Variants in TRPM6 observed in about 807,000 individuals in gnomAD.
TRPM6 encodes channel kinase 2.
In TRPM6, 111 loss-of-function variants were observed where a neutral mutation model predicts 247.6. The observed-to-expected ratio is 0.45, with a 90% CI of 0.38 to 0.52. The LOEUF is 0.52. Ranked by LOEUF, TRPM6 falls within the 20% of genes least tolerant of loss-of-function variation. The pLI, the probability that TRPM6 is intolerant of heterozygous loss-of-function variation, is 0.00. For missense variants in TRPM6, 2,126 were observed against 2,421.5 expected (o/e 0.88, Z 2.56); for synonymous variants, 892 against 853.8 (o/e 1.04, Z -0.78).
In TRPM6 at chr9:74,724,763, T is replaced by A. The variant is rs1195657840; in HGVS notation, c.5936-17A>T. ...TTTTTAAATCTGCAAGGAGGACAAGTAAAAAGGTTATAGTGGAACCCCAAG... is the reference window on the plus strand; with the variant it reads ...TTTTTAAATCTGCAAGGAGGACAAGAAAAAAGGTTATAGTGGAACCCCAAG... On this transcript the variant is annotated splice_polypyrimidine_tract_variant and intron_variant, in intron 38 of 38. Coordinates refer to ENST00000360774, the MANE Select transcript of TRPM6 (RefSeq NM_017662.5). The A allele has an allele frequency of 1.2e-6, 2 of 1,613,944 alleles. No individual in the cohort carries two copies. Among genetic ancestry groups the A allele is most frequent in the Non-Finnish European group, 8.5e-7 (1 of 1,179,976 alleles).
chr9:74,739,513 T>C (rs1825794384), intron 34 of TRPM6, 64 bp from the exon 35 acceptor site: 3 of 1,547,548 alleles, frequency 1.9e-6, no homozygotes, highest in South Asian at 2.2e-5. Context: ...ATCATGAAAT[T>C]ACTATAGGCT....
intron 1 of TRPM6, chr9:74,887,397 A>G: frequency 7.4e-7 from 1 of 1,352,320 alleles, no homozygotes; most frequent in African/African-American, 1.5e-5. Context: ...TGCCCGTGGC[A>G]GCTCAAAACG....
chr9:74,875,399 C>T (rs575485553), intron 1 of TRPM6: 2 of 344,174 alleles, frequency 5.8e-6, no homozygotes, highest in South Asian at 4.3e-5. Context: ...AAAAATTAGC[C>T]AGACGTGGTG....
intron 20 of TRPM6, among the ~76,000 whole-genome samples, chr9:74,786,929 TG>T (rs1827699321): frequency 6.6e-6 from 1 of 152,192 alleles, no homozygotes; most frequent in African/African-American, 2.4e-5. Flanking sequence ...CCGGGTGCAG[TG>T]GCTCACGCCT....
intron 1 of TRPM6, among the ~76,000 whole-genome samples, chr9:74,860,615 T>A (rs956191208): frequency 2.0e-5 from 3 of 152,260 alleles, no homozygotes; most frequent in Admixed American, 6.5e-5. Flanking sequence ...TGCCTTGGCC[T>A]CCCAAAGTGC....
intron 6 of TRPM6, among the ~76,000 whole-genome samples, chr9:74,830,276 C>T (rs1306516754): frequency 6.6e-6 from 1 of 151,242 alleles, no homozygotes; most frequent in Non-Finnish European, 1.5e-5. Context: ...TATTTTATAC[C>T]TTAACAGAAG....
intron 1 of TRPM6, among the ~76,000 whole-genome samples, chr9:74,876,092 T>C (rs1043872616): frequency 2.0e-5 from 3 of 152,206 alleles, no homozygotes; most frequent in Non-Finnish European, 4.4e-5. Context: ...ATTTATTTAC[T>C]TATTTTTGGA....
chr9:74,794,754 G>A (rs903324226), intron 18 of TRPM6, among the ~76,000 whole-genome samples: 1 of 152,046 alleles, frequency 6.6e-6, no homozygotes, highest in African/African-American at 2.4e-5. Flanking sequence ...CAATTGCTAT[G>A]ATGAAGACAA....
At chr9:74,771,416 C>T (rs1325354495) in intron 25 of TRPM6, among the ~76,000 whole-genome samples, 1 of 151,614 alleles carries the variant, frequency 6.6e-6, no homozygotes, top group East Asian at 1.9e-4. Context: ...CACCTACACA[C>T]ATGCGCACAC....
intron 27 of TRPM6, among the ~76,000 whole-genome samples, chr9:74,758,206 T>C (rs1826500144): frequency 6.6e-6 from 1 of 152,162 alleles, no homozygotes; most frequent in African/African-American, 2.4e-5. Context: ...TACTTCAGAC[T>C]GAAATAATAT....
intron 3 of TRPM6, among the ~76,000 whole-genome samples, chr9:74,853,647 T>C (rs568140844): frequency 1.3e-3 from 192 of 152,240 alleles, no homozygotes; most frequent in South Asian, 9.6e-3. Context: ...TTTAAACAGA[T>C]GCTTGAAGGC....
At chr9:74,735,038 C>A (rs76535054) in intron 36 of TRPM6, among the ~76,000 whole-genome samples, 553 of 152,060 alleles carry the variant, frequency 3.6e-3, no homozygotes, top group African/African-American at 0.013. Flanking sequence ...CATGGTGAAA[C>A]CCCATCACTA....
At chr9:74,817,504 C>A (rs1165842431) in intron 9 of TRPM6, among the ~76,000 whole-genome samples, 1 of 152,066 alleles carries the variant, frequency 6.6e-6, no homozygotes, top group Non-Finnish European at 1.5e-5. Context: ...TGCTTTTTTA[C>A]GAGAAATGAA....
At chr9:74,850,915 CT>C (rs573788157) in intron 3 of TRPM6, among the ~76,000 whole-genome samples, 327 of 152,292 alleles carry the variant, frequency 2.1e-3, no homozygotes, top group African/African-American at 7.5e-3. Flanking sequence ...GAAGCAGCAT[CT>C]ATTCAAACAC....
chr9:74,775,910 C>A lies in TRPM6; in HGVS notation c.3376G>T (p.Asp1126Tyr). The A allele has an allele frequency of 6.2e-7, 1 of 1,614,114 alleles. No individual in the cohort carries two copies. The highest frequency in any genetic ancestry group is 1.1e-5 in the South Asian group (1 of 91,066). Residue 1126 changes from aspartate (D) to tyrosine (Y), a missense_variant, in exon 24 of 39, where the codon GAC becomes TAC. Asp to Tyr is a radical substitution (Grantham distance 160). Coordinates refer to ENST00000360774, the MANE Select transcript of TRPM6 (RefSeq NM_017662.5). ...AATCCAACGTCACCCTCTTCTTGGT[C>A]GTGAGGAGCTCGATGACAGCACAGG... is the stretch of plus-strand genomic sequence containing the variant. ...RRLCCHRAPH[D>Y]QEEGDVGLKL...
rs148910368 is a variant in TRPM6, at chr9:74,732,921, C to T, written c.5777-185G>A. ...GGCAAGTAAAAAATCTGGCTGGGCG[C>T]GGTGGCTCACGCCTGTAATCCCAGC... On this transcript the variant is annotated intron_variant, in intron 36 of 38. Coordinates refer to ENST00000360774, the MANE Select transcript of TRPM6 (RefSeq NM_017662.5). 6.6e-4 allele frequency among the ~76,000 whole-genome samples: 100 copies of T among 152,246 alleles called. 1 individual carries two copies. The East Asian group carries it at 0.018, about 28-fold the overall frequency.
At chr9:74,769,063 A>G (rs977555721) in intron 25 of TRPM6, among the ~76,000 whole-genome samples, 13 of 152,172 alleles carry the variant, frequency 8.5e-5, no homozygotes, top group Admixed American at 2.6e-4. Context: ...TACTCTTACT[A>G]TGAGTCAGCA....
Position 74,821,654 on chromosome 9 carries a change from G to C in TRPM6, c.1010+15C>G. The C allele has an allele frequency of 6.2e-7, 1 of 1,614,098 alleles. No homozygotes were observed. The highest frequency in any genetic ancestry group is 8.5e-7 in the Non-Finnish European group (1 of 1,179,990). On this transcript the variant is annotated intron_variant, in intron 8 of 38. Transcript: ENST00000360774. ...CAGCCCCTATAGTTTCAAAAAAGAA[G>C]AGCCAACAACTCACCCTTCATCTGC... is the stretch of plus-strand genomic sequence containing the variant.
At chr9:74,843,670 C>T (rs1830014464) in intron 3 of TRPM6, among the ~76,000 whole-genome samples, 1 of 151,552 alleles carries the variant, frequency 6.6e-6, no homozygotes, top group Admixed American at 6.6e-5. Flanking sequence ...AAAAAATTAG[C>T]CGGGCATGGT....
Sources: allele counts gnomAD v4.1 joint callset (sites outside exome capture counted in the v4.1 genomes callset), GRCh38; gene constraint gnomAD v4.1.1; transcripts MANE v1.5; gene names NCBI Gene and HGNC (gene_info 2026-07-23, HGNC 2026-07-21).